The following C1orf141 variants were observed in gnomAD, a reference collection of about 807,000 sequenced individuals.
C1orf141 encodes the protein chromosome 1 open reading frame 141.
C1orf141 carries 19 observed loss-of-function variants against 23.2 expected under a neutral mutation model. The observed-to-expected ratio is 0.82, with a 90% CI of 0.57 to 1.20. The LOEUF is 1.20. C1orf141 is among the 50% of genes most tolerant of loss of function. The pLI is 0.00. For synonymous variants in C1orf141, 153 were observed against 154.6 expected (o/e 0.99, Z 0.08); for missense variants, 469 against 455.1 (o/e 1.03, Z -0.28).
At chr1:67,111,408 C>A (rs1047590279) in intron 5 of C1orf141, among the ~76,000 whole-genome samples, 4 of 152,066 alleles carry the variant, frequency 2.6e-5, no homozygotes, top group African/African-American at 9.7e-5. Flanking sequence ...TCTCTACTGT[C>A]TCCATACATA....
chr1:67,123,476 A>G (rs1164165597), intron 4 of C1orf141: 1 of 152,068 alleles, frequency 6.6e-6, no homozygotes, highest in Non-Finnish European at 1.5e-5. Flanking sequence ...TGAAGTTTCC[A>G]TTTTATTATA....
intron 1 of C1orf141, among the ~76,000 whole-genome samples, chr1:67,131,956 TGTATTTTTGGTAGAGATGG>T (rs1407673219): frequency 6.6e-6 from 1 of 150,842 alleles, no homozygotes; most frequent in African/African-American, 2.4e-5. Context: ...AGCTAATTTT[TGTATTTTTGGTAGAGATGG>T]GGTTTCACCA....
chr1:67,111,864 T>C (rs1646080302), intron 5 of C1orf141, among the ~76,000 whole-genome samples: 1 of 152,252 alleles, frequency 6.6e-6, no homozygotes, highest in Non-Finnish European at 1.5e-5. Flanking sequence ...AATTATTTAC[T>C]ATTATATGAT....
At chr1:67,140,444 T>A (rs997027032) in intron 1 of C1orf141, among the ~76,000 whole-genome samples, 2 of 152,128 alleles carry the variant, frequency 1.3e-5, no homozygotes, top group African/African-American at 4.8e-5. Context: ...CTACAAATGA[T>A]CATTAATTAT....
intron 7 of C1orf141, chr1:67,094,994 C>A: frequency 2.4e-6 from 1 of 411,148 alleles, no homozygotes; most frequent in Non-Finnish European, 4.3e-6. Flanking sequence ...TATAATCAAG[C>A]AAATTTGATA....
chr1:67,112,368 A>G (rs1025669256), intron 5 of C1orf141, among the ~76,000 whole-genome samples: 8 of 152,174 alleles, frequency 5.3e-5, no homozygotes, highest in Non-Finnish European at 4.4e-5. Flanking sequence ...CCAATGATGC[A>G]TACATTTTAG....
chr1:67,096,158 G>A (rs1465063607), intron 6 of C1orf141, 94 bp downstream of exon 6: 1 of 677,418 alleles, frequency 1.5e-6, no homozygotes, highest in African/African-American at 1.9e-5. Context: ...TAAATAATAA[G>A]GCAGAATAAA....
chr1:67,095,531 T>C, intron 6 of C1orf141, 110 bp from the exon 7 acceptor site: 1 of 606,420 alleles, frequency 1.6e-6, no homozygotes, highest in Middle Eastern at 4.5e-4. Flanking sequence ...TGCACCAACC[T>C]CTCTCCCACA....
At chr1:67,097,359 AGAAG>A (rs1645705480) in intron 5 of C1orf141, among the ~76,000 whole-genome samples, 1 of 152,234 alleles carries the variant, frequency 6.6e-6, no homozygotes, top group South Asian at 2.1e-4. Context: ...GGGTGGCTAT[AGAAG>A]GCCTCTTTTA....
rs778777503 is a variant in C1orf141, at chr1:67,127,202, A to G, written c.39T>C (p.Asp13=). The change falls in exon 3 of 8, where the codon GAT becomes GAC. Residue 13 remains aspartate (D), a synonymous_variant. Transcript: ENST00000684719. ...EKILEKLDVL[D]KQAEIILARR... ...TGGCCAAGATTATCTCTGCTTGCTT[A>G]TCAAGGACATCCAACTTCTCTAGGA... 1 of 1,610,006 alleles carries G rather than the reference A, an allele frequency of 6.2e-7. No individual in the cohort carries two copies. The highest frequency in any genetic ancestry group is 8.5e-7 in the Non-Finnish European group (1 of 1,178,556).
At chr1:67,136,471 C>T (rs1047842874), upstream of C1orf141, among the ~76,000 whole-genome samples, 3 of 152,068 alleles carry the variant, frequency 2.0e-5, no homozygotes, top group Non-Finnish European at 4.4e-5. Context: ...ACCTTCAGCT[C>T]AAAAATTTGT....
intron 5 of C1orf141, among the ~76,000 whole-genome samples, chr1:67,098,535 A>AT (rs1338547380): frequency 1.1e-4 from 17 of 152,148 alleles, no homozygotes; most frequent in African/African-American, 4.1e-4. Context: ...AAATATTATA[A>AT]TAAAAAAATG....
chr1:67,125,535 A>T (rs1209568790), intron 4 of C1orf141, among the ~76,000 whole-genome samples: 1 of 151,992 alleles, frequency 6.6e-6, no homozygotes, highest in Non-Finnish European at 1.5e-5. Context: ...CCATCTCTAT[A>T]AAAAATACAA....
intron 5 of C1orf141, among the ~76,000 whole-genome samples, chr1:67,108,799 AT>A (rs1289515328): frequency 2.0e-5 from 3 of 152,128 alleles, no homozygotes; most frequent in Non-Finnish European, 2.9e-5. Flanking sequence ...TGAATAGATA[AT>A]TTTCAAAATA....
intron 3 of C1orf141, among the ~76,000 whole-genome samples, chr1:67,126,427 G>A (rs765718372): frequency 2.0e-5 from 3 of 152,154 alleles, no homozygotes; most frequent in Non-Finnish European, 4.4e-5. Flanking sequence ...GTGAGTAAAG[G>A]AGCCGAAAGT....
chr1:67,103,176 C>T (rs925709387), intron 5 of C1orf141: 3 of 865,964 alleles, frequency 3.5e-6, no homozygotes, highest in African/African-American at 3.4e-5. Flanking sequence ...TTAATGCTTA[C>T]ACACTAATTT....
At chr1:67,100,465 T>G (rs968044711) in intron 5 of C1orf141, among the ~76,000 whole-genome samples, 10 of 152,346 alleles carry the variant, frequency 6.6e-5, no homozygotes, top group Middle Eastern at 3.4e-3. Flanking sequence ...ATTTCATCCT[T>G]GATGATTATC....
chr1:67,097,421 G>A (rs915774541), intron 5 of C1orf141, among the ~76,000 whole-genome samples: 1 of 152,166 alleles, frequency 6.6e-6, no homozygotes, highest in South Asian at 2.1e-4. Flanking sequence ...AGAGGCAGAG[G>A]AAACAGCAAG....
chr1:67,095,791 A>C (rs917483934), intron 6 of C1orf141: 1 of 190,396 alleles, frequency 5.3e-6, no homozygotes, highest in African/African-American at 2.3e-5. Context: ...CTTTGTTAAG[A>C]GGATAGAATA....
Sources: gnomAD v4.1 joint callset for allele counts (sites outside exome capture counted in the v4.1 genomes callset) on GRCh38, gnomAD v4.1.1 for gene constraint, MANE v1.5 for transcripts, NCBI Gene and HGNC (gene_info 2026-07-23, HGNC 2026-07-21) for gene names.